POLR3A: variants seen among roughly 807,000 people sequenced by gnomAD.
POLR3A encodes the protein RNA polymerase III subunit A.
Under a neutral mutation model 152.8 loss-of-function variants are expected in POLR3A, and 112 were observed. The ratio of observed to expected loss-of-function variants is 0.73; its 90% confidence interval spans 0.63 to 0.86. The LOEUF (loss-of-function observed/expected upper bound fraction) is 0.86, where lower values mean the gene tolerates loss of function less well. POLR3A is among the 40% of genes least tolerant of loss of function. POLR3A has a pLI of 0.00. For synonymous variants in POLR3A, 615 were observed against 652.1 expected (o/e 0.94, Z 0.87); for missense variants, 1,385 against 1,743.1 (o/e 0.79, Z 3.66).
At chr10:77,992,480 G>T (rs954567307) in intron 20 of POLR3A, among the ~76,000 whole-genome samples, 6 of 116,850 alleles carry the variant, frequency 5.1e-5, no homozygotes, top group African/African-American at 2.0e-4. Flanking sequence ...ATCTCGCTCT[G>T]TTGCCAGGTT....
In POLR3A at chr10:77,995,701, C is replaced by G. The variant is rs1261047440; in HGVS notation, c.2617-2334G>C. ...CTACAAAGAGACTTAGACTCCCACA[C>G]AATAATAATGGGAGACTTTAACACC... On this transcript the variant is annotated intron_variant, in intron 19 of 30. Transcript: ENST00000372371. Among the ~76,000 whole-genome samples the G allele has an allele frequency of 2.0e-5, 3 of 152,204 alleles. No homozygotes were observed. In the East Asian group the frequency reaches 5.8e-4, roughly 29 times the overall value.
intron 21 of POLR3A, among the ~76,000 whole-genome samples, chr10:77,987,138 G>C (rs945286521): frequency 1.2e-4 from 18 of 152,080 alleles, no homozygotes; most frequent in African/African-American, 4.3e-4. Context: ...CAATCATCAC[G>C]GACTACAGAC....
chr10:78,010,382 G>C (rs1041646332), intron 12 of POLR3A, 89 bp downstream of exon 12: 16 of 1,050,062 alleles, frequency 1.5e-5, no homozygotes, highest in Non-Finnish European at 2.1e-5. Flanking sequence ...CTATTAAATA[G>C]CTTTTCAAGT....
intron 11 of POLR3A, chr10:78,013,324 G>A (rs1847484947): frequency 8.5e-6 from 3 of 351,058 alleles, no homozygotes; most frequent in South Asian, 5.5e-5. Context: ...CATTGATATT[G>A]CTATATTCTT....
chr10:77,988,017 G>A (rs556514484), intron 21 of POLR3A, among the ~76,000 whole-genome samples: 3 of 152,268 alleles, frequency 2.0e-5, no homozygotes, highest in Non-Finnish European at 2.9e-5. Flanking sequence ...TTGCCTACTG[G>A]GAAATTCCGT....
Position 78,022,290 on chromosome 10 carries a change from G to A in POLR3A, c.740C>T (p.Pro247Leu), listed in dbSNP as rs774454534. The A allele has an allele frequency of 3.1e-6, 5 of 1,614,064 alleles. No individual in the cohort carries two copies. Among genetic ancestry groups the A allele is most frequent in the East Asian group, 2.2e-5 (1 of 44,892 alleles). Residue 247 changes from proline to leucine, a missense_variant, in exon 6 of 31, where the codon CCG (proline) becomes CTG (leucine). Physicochemically the swap from Pro to Leu is moderately conservative, Grantham distance 98 (BLOSUM62 -3). Around this residue, in one of 7 missense-constraint regions of POLR3A, gnomAD observed 493 missense variants for 647.5 expected, o/e 0.76. Transcript: ENST00000372371. ...AAGTCGTGTGAGAATCAAATCAGAC[G>A]GCTTTCCGGCTTCTGGGTTCATCAG... ...LLLMNPEAGK[P>L]SDLILTRLLV...
chr10:78,024,833 G>A, intron 4 of POLR3A, 130 bp from the exon 5 acceptor site: 2 of 1,322,212 alleles, frequency 1.5e-6, no homozygotes, highest in Non-Finnish European at 2.2e-6. Context: ...TTTCCCAATA[G>A]GACATCAGTT....
At position 77,976,185 on chromosome 10, in the gene POLR3A, A is replaced by C. The variant is rs1847087526; in HGVS notation, c.*1293T>G. ...TGCTTTGTTGCCCAGGCTGGAGTGT[A>C]GTGGCACGATCTTGGCTCACTACAA... On this transcript the variant is annotated 3_prime_UTR_variant, in exon 31 of 31. Coordinates refer to ENST00000372371, the MANE Select transcript of POLR3A (RefSeq NM_007055.4). 6.7e-6 allele frequency: 1 copy of C among 148,698 alleles called. No homozygotes were observed. Among genetic ancestry groups the C allele is most frequent in the African/African-American group, 2.5e-5 (1 of 40,218 alleles). The allele number at this position is 148,698 out of a possible 1,614,324, so 9.2% of individuals were successfully genotyped here.
chr10:78,012,041 G>C (rs897253510), intron 11 of POLR3A, among the ~76,000 whole-genome samples: 1 of 152,114 alleles, frequency 6.6e-6, no homozygotes, highest in Admixed American at 6.6e-5. Context: ...ATTACTTTTT[G>C]TTACAAAAAT....
Position 77,977,245 on chromosome 10 carries a change from C to A in POLR3A, c.*233G>T, listed in dbSNP as rs986677502. On this transcript the variant is annotated 3_prime_UTR_variant, in exon 31 of 31. Transcript: ENST00000372371. ...GTCTATAGATTAGGTTTCAAGCAAG[C>A]AAACAATAAAACCCTCAGCTCTCCC... The A allele has an allele frequency of 5.5e-6, 3 of 547,782 alleles. No homozygotes were observed. The South Asian group carries it at 6.0e-5, about 11-fold the overall frequency. The allele number at this position is 547,782 out of a possible 1,614,324, so 33.9% of individuals were successfully genotyped here.
At chr10:78,027,193 A>G (rs1360770853) in intron 1 of POLR3A, among the ~76,000 whole-genome samples, 2 of 152,182 alleles carry the variant, frequency 1.3e-5, no homozygotes, top group Non-Finnish European at 2.9e-5. Context: ...TGAAGTGGAG[A>G]GAATGACTAG....
intron 30 of POLR3A, among the ~76,000 whole-genome samples, chr10:77,979,802 C>T: frequency 6.6e-6 from 1 of 152,196 alleles, no homozygotes. Flanking sequence ...CCTGTCAGCC[C>T]TGGTGTCACA....
Position 78,000,116 on chromosome 10 carries a change from G to C in POLR3A, c.2481C>G (p.Leu827=). ...TAGCCACAAAGCCTTTGGCAGCTGG[G>C]AGCTAAAGAGAGGTAGAAAAAAGAA... ...SLPHFEKHSK[L]PAAKGFVANS... is the part of the protein sequence containing the mutation. The change falls in exon 19 of 31, where the codon CTC becomes CTG. Residue 827 remains leucine (L), a splice_region_variant and synonymous_variant. Coordinates refer to ENST00000372371, the MANE Select transcript of POLR3A (RefSeq NM_007055.4). 2.5e-6 allele frequency: 4 copies of C among 1,614,078 alleles called. No individual in the cohort carries two copies. The highest frequency in any genetic ancestry group is 3.4e-6 in the Non-Finnish European group (4 of 1,179,980).
In POLR3A at chr10:78,007,721, C is replaced by A. The variant is rs752641440; in HGVS notation, c.2055G>T (p.Arg685Ser). The A allele has an allele frequency of 6.2e-7, 1 of 1,613,956 alleles. No homozygotes were observed. The highest frequency in any genetic ancestry group is 8.5e-7 in the Non-Finnish European group (1 of 1,179,880). The change falls in exon 15 of 31, where the codon AGG (arginine) becomes AGT (serine). Residue 685 changes from arginine (R) to serine (S), a missense_variant. Arg to Ser is a moderately radical substitution (Grantham distance 110). Around this residue, in one of 7 missense-constraint regions of POLR3A, gnomAD observed 170 missense variants for 231.2 expected, o/e 0.74. Transcript: ENST00000372371. ...ACTTACACAGGTAGACAGGAGCCAG[C>A]CTGGCGAGCCGTGACATGGCATCTG... ...EAADAMSRLA[R>S]LAPVYLSNRG...
chr10:77,991,024 G>A, intron 21 of POLR3A, 30 bp downstream of exon 21: 1 of 1,253,344 alleles, frequency 8.0e-7, no homozygotes, highest in East Asian at 2.3e-5. Flanking sequence ...GCCAGGCTGG[G>A]TGCAGTAGCC....
intron 3 of POLR3A, 142 bp from the exon 4 acceptor site, chr10:78,025,284 T>C: frequency 1.2e-6 from 1 of 866,290 alleles, no homozygotes; most frequent in Non-Finnish European, 1.9e-6. Flanking sequence ...ACTATGGATA[T>C]GCAGAGAGGA....
intron 14 of POLR3A, among the ~76,000 whole-genome samples, chr10:78,009,221 C>T (rs1328399366): frequency 3.3e-5 from 5 of 151,524 alleles, no homozygotes; most frequent in African/African-American, 1.2e-4. Context: ...TTGCCCCCCC[C>T]GCCGCCAAAA....
In POLR3A at chr10:77,984,314, G is replaced by C. The variant is rs1054368923; in HGVS notation, c.3243-16C>G. 1 of 1,523,916 alleles carries C rather than the reference G, an allele frequency of 6.6e-7. No individual in the cohort carries two copies. The highest frequency in any genetic ancestry group is 9.1e-7 in the Non-Finnish European group (1 of 1,097,998). 94.4% of individuals were successfully genotyped at this position (1,523,916 alleles called of 1,614,324 possible). A position where few individuals can be genotyped will look rare whatever the true frequency, so the allele number is the denominator to read the frequency against. On this transcript the variant is annotated splice_polypyrimidine_tract_variant and intron_variant, in intron 24 of 30. Coordinates refer to ENST00000372371, the MANE Select transcript of POLR3A (RefSeq NM_007055.4). ...AATTGGAGTGCTGTTGAGAAGCAAA[G>C]GAAAAATGGCACTAGCACAAGGGAG...
rs772708260 is a variant in POLR3A at position 78,026,126 on chromosome 10, G to GA, written c.147_148insT (p.Pro50SerfsTer10). 2 of 1,614,206 alleles carry GA rather than the reference G, an allele frequency of 1.2e-6. No homozygotes were observed. Among genetic ancestry groups the GA allele is most frequent in the South Asian group, 2.2e-5 (2 of 91,082 alleles). On this transcript the variant is annotated frameshift_variant, in exon 2 of 31. Transcript: ENST00000372371. LOFTEE classifies it high-confidence loss of function. ...TGGTCGAGCACCCCATATAGCAAGG[G>GA]GGCATGTTGGTTGTCCTGGCTGTAC... is the stretch of plus-strand genomic sequence containing the variant.
Sources: gnomAD v4.1 joint callset for allele counts (sites outside exome capture counted in the v4.1 genomes callset) on GRCh38, gnomAD v4.1.1 for gene constraint, gnomAD v4.1.1 regional missense constraint, MANE v1.5 for transcripts, NCBI Gene and HGNC (gene_info 2026-07-23, HGNC 2026-07-21) for gene names.